C2CD3: variants seen among roughly 807,000 people sequenced by gnomAD.
C2CD3 encodes C2 domain containing 3 centriole elongation regulator.
A neutral mutation model predicts 234.0 loss-of-function variants in C2CD3; 148 were observed. The observed-to-expected ratio is 0.63, with a 90% CI of 0.55 to 0.72. The LOEUF is 0.72. C2CD3 is among the 30% of genes least tolerant of loss of function. The probability of loss-of-function intolerance (pLI) is 0.00; values close to 1 mark genes in which losing one functional copy is unlikely to be tolerated. For synonymous variants in C2CD3, 1,000 were observed against 1,035.4 expected (o/e 0.97, Z 0.66); for missense variants, 2,577 against 2,811.5 (o/e 0.92, Z 1.89).
chr11:74,116,917 T>TACATATACACGTGTATATAC (rs1462821685), intron 9 of C2CD3, among the ~76,000 whole-genome samples: 332 of 117,144 alleles, frequency 2.8e-3, no homozygotes, highest in Non-Finnish European at 4.5e-3. Context: ...TATGTATATA[T>TACATATACACGTGTATATAC]ACATATACAC....
chr11:74,024,718 G>A (rs959130415), intron 32 of C2CD3, among the ~76,000 whole-genome samples: 1 of 152,154 alleles, frequency 6.6e-6, no homozygotes, highest in Non-Finnish European at 1.5e-5. Context: ...ACTTGCTAGT[G>A]TCCTAAATAC....
In C2CD3 at chr11:74,085,755, C is replaced by T. The variant is rs372638335; in HGVS notation, c.3773G>A (p.Cys1258Tyr). The change falls in exon 21 of 33, where the codon TGC becomes TAC. Residue 1258 changes from cysteine (C) to tyrosine (Y), a missense_variant. By Grantham distance (194) the Cys-to-Tyr change is radical. Coordinates refer to ENST00000334126, the MANE Select transcript of C2CD3 (RefSeq NM_001286577.2). ...RRTHPVACSF[C>Y]PEFSHHVEFT... Reference sequence around the variant, plus strand: ...CTCAACGTGATGGGAGAACTCAGGGCAGAAAGAACAGGCCACAGGGTGGGT... The same window carrying T: ...CTCAACGTGATGGGAGAACTCAGGGTAGAAAGAACAGGCCACAGGGTGGGT... The T allele has an allele frequency of 2.8e-5, 45 of 1,613,972 alleles. No individual in the cohort carries two copies. The highest frequency in any genetic ancestry group is 3.7e-5 in the Non-Finnish European group (44 of 1,180,030).
chr11:74,081,614 TCATCATCATCAC>T (rs966327613), intron 22 of C2CD3, among the ~76,000 whole-genome samples: 1 of 152,176 alleles, frequency 6.6e-6, no homozygotes, highest in African/African-American at 2.4e-5. Context: ...TTCATCATCA[TCATCATCATCAC>T]CATCATCATC....
In C2CD3 at chr11:74,130,345, T is replaced by C. The variant is rs956973543; in HGVS notation, c.1217+2499A>G. ...GGCTCAAGTAATCCTCCTGCCTCAG[T>C]CTCCTGAGTAGCTAGGACTACAGTC... On this transcript the variant is annotated intron_variant, in intron 7 of 32. Transcript: ENST00000334126. 6.6e-5 allele frequency among the ~76,000 whole-genome samples: 10 copies of C among 151,566 alleles called. No homozygotes were observed. In the East Asian group the frequency reaches 9.7e-4, roughly 15 times the overall value.
In C2CD3 at chr11:74,034,269, G is replaced by T. The variant is rs928606364; in HGVS notation, c.5891C>A (p.Thr1964Asn). 3 of 1,535,464 alleles carry T rather than the reference G, an allele frequency of 2.0e-6. No homozygotes were observed. In the Admixed American group the frequency reaches 5.9e-5, roughly 30 times the overall value. Residue 1964 changes from threonine to asparagine, a missense_variant, in exon 31 of 33, where the codon ACT becomes AAT. By Grantham distance (65) the Thr-to-Asn change is moderately conservative (BLOSUM62 0). Transcript: ENST00000334126. ...AGCTGCTTGCGAATCCCTGGTGATA[G>T]TCTGCAGATCTGAACAGCAACACAT... Reference protein sequence around the residue: ...QVSSLITDLQTITRDSQAALS... With the variant: ...QVSSLITDLQNITRDSQAALS...
At chr11:74,154,638 G>C (rs1227251619) in intron 3 of C2CD3, among the ~76,000 whole-genome samples, 1 of 152,144 alleles carries the variant, frequency 6.6e-6, no homozygotes, top group Non-Finnish European at 1.5e-5. Flanking sequence ...TAATATATTA[G>C]GCTTTGCATG....
intron 28 of C2CD3, among the ~76,000 whole-genome samples, chr11:74,044,870 C>G (rs994378330): frequency 6.7e-6 from 1 of 148,992 alleles, no homozygotes; most frequent in Non-Finnish European, 1.5e-5. Flanking sequence ...ATCCACGTTG[C>G]TGCAAAGAAC....
rs150125078 is a variant in C2CD3, at chr11:74,049,771, T to TTC, written c.5156-231_5156-230dup. Among the ~76,000 whole-genome samples the TTC allele has an allele frequency of 1.7e-3, 254 of 150,616 alleles. 1 individual carries two copies. Among genetic ancestry groups the TTC allele is most frequent in the Middle Eastern group, 3.4e-3 (1 of 292 alleles). On this transcript the variant is annotated intron_variant, in intron 26 of 32. Coordinates refer to ENST00000334126, the MANE Select transcript of C2CD3 (RefSeq NM_001286577.2). ...AAAAAGCTGACAGGCTTGCACTTCATTCTCTCTCTCTCTCTCTCATTTTGA... is the reference window on the plus strand; with the variant it reads ...AAAAAGCTGACAGGCTTGCACTTCATTCTCTCTCTCTCTCTCTCTCATTTTGA...
At chr11:74,112,673 A>C (rs1348487550) in intron 11 of C2CD3, among the ~76,000 whole-genome samples, 1 of 152,246 alleles carries the variant, frequency 6.6e-6, no homozygotes, top group Non-Finnish European at 1.5e-5. Flanking sequence ...AAGATCTATA[A>C]ATGGCCAATA....
At chr11:74,037,331 A>T in intron 30 of C2CD3, 147 bp downstream of exon 30, 1 of 698,034 alleles carries the variant, frequency 1.4e-6, no homozygotes. Flanking sequence ...CAAACGCAAG[A>T]TGGTTAAAAA....
rs555480518 is a variant in C2CD3, at chr11:74,026,948, G to A, written c.6921+1339C>T. 1.3e-3 allele frequency among the ~76,000 whole-genome samples: 162 copies of A among 122,526 alleles called. 2 individuals carry two copies. The highest frequency in any genetic ancestry group is 1.5e-3 in the Non-Finnish European group (93 of 62,046). The allele number at this position is 122,526 out of a possible 152,430, so 80.4% of individuals were successfully genotyped here. The stretch of plus-strand genomic sequence containing the variant: ...ATCACACCACTACATTCCAGCTGGC[G>A]ACAGAATAAGCCTCAAAAAAAAAAA... On this transcript the variant is annotated intron_variant, in intron 32 of 32. Coordinates refer to ENST00000334126, the MANE Select transcript of C2CD3 (RefSeq NM_001286577.2).
At chr11:74,029,272 T>C (rs1239952280) in intron 31 of C2CD3, among the ~76,000 whole-genome samples, 1 of 152,228 alleles carries the variant, frequency 6.6e-6, no homozygotes, top group East Asian at 1.9e-4. Context: ...TTAATAAGTA[T>C]GGTTCTCACT....
chr11:74,094,248 G>A (rs955345307), intron 17 of C2CD3, among the ~76,000 whole-genome samples: 3 of 149,398 alleles, frequency 2.0e-5, no homozygotes, highest in Non-Finnish European at 4.4e-5. Flanking sequence ...GTATGAAATG[G>A]TATCTTGGTA....
chr11:74,023,265 CT>C (rs1952161120), intron 32 of C2CD3, among the ~76,000 whole-genome samples: 1 of 152,246 alleles, frequency 6.6e-6, no homozygotes, highest in Non-Finnish European at 1.5e-5. Context: ...GCTGTTAGCC[CT>C]GACCCGGAAG....
chr11:74,044,444 A>ACT (rs111429319), intron 28 of C2CD3, among the ~76,000 whole-genome samples: 20,885 of 149,788 alleles, frequency 0.14, 4,350 homozygotes, highest in African/African-American at 0.46. Flanking sequence ...ACACAGCAAG[A>ACT]CTGTCTCAAA....
intron 17 of C2CD3, 34 bp downstream of exon 17, chr11:74,095,194 T>C (rs1177649058): frequency 7.1e-7 from 1 of 1,416,760 alleles, no homozygotes; most frequent in Non-Finnish European, 9.5e-7. Flanking sequence ...AAAAGAACCA[T>C]ATAAGAATAA....
Position 74,095,264 on chromosome 11 carries a change from A to G in C2CD3, c.3124T>C (p.Ser1042Pro), listed in dbSNP as rs1956063902. 1 of 1,613,552 alleles carries G rather than the reference A, an allele frequency of 6.2e-7. No individual in the cohort carries two copies. The highest frequency in any genetic ancestry group is 8.5e-7 in the Non-Finnish European group (1 of 1,179,710). ...AACTCAGGTCCTTTCAGCACACTGGATTGAGAGTGTTGAACTGGAAAGTAG... is the reference window on the plus strand; with the variant it reads ...AACTCAGGTCCTTTCAGCACACTGGGTTGAGAGTGTTGAACTGGAAAGTAG... ...QYYFPVQHSQSSVLKGPEFLE... is the reference protein window; with the variant it reads ...QYYFPVQHSQPSVLKGPEFLE... The change falls in exon 17 of 33, where the codon TCC (serine) becomes CCC (proline). Residue 1042 changes from serine (S) to proline (P), a missense_variant. Physicochemically the swap from Ser to Pro is moderately conservative, Grantham distance 74. Coordinates refer to ENST00000334126, the MANE Select transcript of C2CD3 (RefSeq NM_001286577.2).
At chr11:74,135,080 A>G (rs538602347) in intron 5 of C2CD3, among the ~76,000 whole-genome samples, 2 of 152,198 alleles carry the variant, frequency 1.3e-5, no homozygotes, top group African/African-American at 4.8e-5. Context: ...CTTAAATATC[A>G]TATGTTCAAT....
intron 13 of C2CD3, 103 bp downstream of exon 13, chr11:74,106,267 AG>A: frequency 9.1e-7 from 1 of 1,099,214 alleles, no homozygotes; most frequent in Non-Finnish European, 1.3e-6. Flanking sequence ...ATGCTACACA[AG>A]ATCAAAGACC....
Sources: gnomAD v4.1 joint callset for allele counts (sites outside exome capture counted in the v4.1 genomes callset) on GRCh38, gnomAD v4.1.1 for gene constraint, MANE v1.5 for transcripts, NCBI Gene and HGNC (gene_info 2026-07-23, HGNC 2026-07-21) for gene names.